TTC23: variants seen among roughly 807,000 people sequenced by gnomAD.
TTC23 encodes tetratricopeptide repeat protein 23.
TTC23 carries 58 observed loss-of-function variants against 55.1 expected under a neutral mutation model. The observed-to-expected ratio is 1.05, with a 90% CI of 0.85 to 1.31. The LOEUF is 1.31. TTC23 is among the 50% of genes most tolerant of loss of function. The pLI, the probability that TTC23 is intolerant of heterozygous loss-of-function variation, is 0.00. For missense variants in TTC23, 516 were observed against 534.4 expected (o/e 0.97, Z 0.34); for synonymous variants, 203 against 199.9 (o/e 1.02, Z -0.13).
intron 11 of TTC23, chr15:99,159,361 G>C (rs932575068): frequency 1.3e-5 from 2 of 152,212 alleles, no homozygotes; most frequent in African/African-American, 4.8e-5. Context: ...TCACAGGTTC[G>C]GTCTAGTTGC....
intron 8 of TTC23, among the ~76,000 whole-genome samples, chr15:99,206,771 T>G (rs953690268): frequency 6.6e-6 from 1 of 152,166 alleles, no homozygotes. Flanking sequence ...TTTTGTTATA[T>G]TCATCTTTTG....
chr15:99,179,504 G>T (rs189600338), intron 9 of TTC23, among the ~76,000 whole-genome samples: 35 of 152,352 alleles, frequency 2.3e-4, no homozygotes, highest in Non-Finnish European at 4.1e-4. Flanking sequence ...GCAGGGGAAT[G>T]AACATATTGT....
chr15:99,242,226 A>G (rs2079872339), intron 2 of TTC23, among the ~76,000 whole-genome samples: 1 of 152,144 alleles, frequency 6.6e-6, no homozygotes, highest in Admixed American at 6.5e-5. Context: ...ACTTACCCAT[A>G]TGTAAGCTAA....
intron 9 of TTC23, among the ~76,000 whole-genome samples, chr15:99,188,610 G>A (rs905973279): frequency 4.6e-5 from 7 of 151,940 alleles, no homozygotes; most frequent in African/African-American, 1.4e-4. Flanking sequence ...AAGAAAACTG[G>A]ACCAAAGCTT....
chr15:99,236,734 C>A (rs1256282878), intron 3 of TTC23, among the ~76,000 whole-genome samples: 1 of 152,070 alleles, frequency 6.6e-6, no homozygotes, highest in Non-Finnish European at 1.5e-5. Flanking sequence ...TATTGTTGAT[C>A]TGTAGGATTT....
chr15:99,141,315 G>A (rs1035479007), intron 12 of TTC23, among the ~76,000 whole-genome samples: 8 of 152,044 alleles, frequency 5.3e-5, no homozygotes, highest in African/African-American at 1.9e-4. Flanking sequence ...GAAAACGACA[G>A]ATGAATGCAT....
At position 99,181,580 on chromosome 15, in the gene TTC23, C is replaced by CCTTTTCA. The variant is rs2074120806; in HGVS notation, c.760-6432_760-6426dup. Among the ~76,000 whole-genome samples the CCTTTTCA allele has an allele frequency of 2.0e-5, 3 of 152,294 alleles. No homozygotes were observed. In the South Asian group the frequency reaches 6.2e-4, roughly 32 times the overall value. On this transcript the variant is annotated intron_variant, in intron 9 of 13. Coordinates refer to ENST00000394132, the MANE Select transcript of TTC23 (RefSeq NM_001288615.3). ...ACCAGCTGTGAAGCTGCATAGCTTG[C>CCTTTTCA]CTTTTCACCCTGCCAAAACTGGTCA...
chr15:99,240,503 T>C (rs2079686233), intron 3 of TTC23, among the ~76,000 whole-genome samples: 1 of 152,228 alleles, frequency 6.6e-6, no homozygotes, highest in Admixed American at 6.5e-5. Context: ...CTCAGAACAC[T>C]TGTCAACACT....
At chr15:99,217,318 T>C (rs765737451) in intron 8 of TTC23, among the ~76,000 whole-genome samples, 1 of 151,912 alleles carries the variant, frequency 6.6e-6, no homozygotes, top group Non-Finnish European at 1.5e-5. Flanking sequence ...CCACCACGCC[T>C]GGCTAATTTT....
At chr15:99,166,533 G>A (rs1276056673) in intron 10 of TTC23, among the ~76,000 whole-genome samples, 1 of 152,196 alleles carries the variant, frequency 6.6e-6, no homozygotes, top group Non-Finnish European at 1.5e-5. Flanking sequence ...AGGGAGGAAG[G>A]AAGGGAGGAG....
intron 8 of TTC23, among the ~76,000 whole-genome samples, chr15:99,215,381 T>C (rs1481458032): frequency 6.6e-6 from 1 of 152,150 alleles, no homozygotes; most frequent in Non-Finnish European, 1.5e-5. Flanking sequence ...GTTAAATGAT[T>C]AATTTACAAT....
chr15:99,209,721 G>A (rs1158753033), intron 8 of TTC23, among the ~76,000 whole-genome samples: 1 of 151,952 alleles, frequency 6.6e-6, no homozygotes, highest in African/African-American at 2.4e-5. Context: ...TAGCTAGTGT[G>A]GTTTTAAAAA....
chr15:99,221,120 T>C (rs1469173757), intron 6 of TTC23, among the ~76,000 whole-genome samples: 2 of 152,188 alleles, frequency 1.3e-5, no homozygotes, highest in Non-Finnish European at 2.9e-5. Context: ...GGAATGCTTA[T>C]AAGGGAAGTC....
At chr15:99,226,389 A>G (rs2152063731) in intron 5 of TTC23, among the ~76,000 whole-genome samples, 1 of 152,346 alleles carries the variant, frequency 6.6e-6, no homozygotes, top group South Asian at 2.1e-4. Flanking sequence ...GTTCAGAAAA[A>G]CAATTAGAGT....
At chr15:99,150,625 G>C (rs782317141) in intron 12 of TTC23, among the ~76,000 whole-genome samples, 3 of 152,212 alleles carry the variant, frequency 2.0e-5, no homozygotes, top group Non-Finnish European at 2.9e-5. Flanking sequence ...ATTCATTTTG[G>C]GGGGAGGATA....
chr15:99,191,874 C>G (rs1004685199), intron 9 of TTC23, among the ~76,000 whole-genome samples: 1 of 152,156 alleles, frequency 6.6e-6, no homozygotes, highest in African/African-American at 2.4e-5. Flanking sequence ...TTCCTAGATA[C>G]TTGTTGAATG....
At chr15:99,231,460 T>C (rs1171650404) in intron 4 of TTC23, among the ~76,000 whole-genome samples, 3 of 152,308 alleles carry the variant, frequency 2.0e-5, no homozygotes, top group African/African-American at 7.2e-5. Context: ...ATCCTGACTG[T>C]GTAGACCTAC....
rs371057331 is a variant in TTC23, at chr15:99,175,130, C to T, written c.785G>A (p.Ser262Asn). 3 of 1,614,030 alleles carry T rather than the reference C, an allele frequency of 1.9e-6. No individual in the cohort carries two copies. The highest frequency in any genetic ancestry group is 2.5e-6 in the Non-Finnish European group (3 of 1,180,014). Residue 262 changes from serine (S) to asparagine (N), a missense_variant, in exon 10 of 14, where the codon AGC becomes AAC. Coordinates refer to ENST00000394132, the MANE Select transcript of TTC23 (RefSeq NM_001288615.3). ...LQAHLIILSR[S>N]PSQVEAADSA... ...GTCTGCTGCCTCCACTTGAGAGGGG[C>T]TTCTACTCAGGATGATAAGATGTGC... is the stretch of plus-strand genomic sequence containing the variant.
intron 6 of TTC23, among the ~76,000 whole-genome samples, chr15:99,220,890 C>T (rs986386072): frequency 1.3e-5 from 2 of 152,152 alleles, no homozygotes; most frequent in African/African-American, 4.8e-5. Flanking sequence ...CTCCCCTGCA[C>T]GCATTCTCCC....
Sources: allele counts gnomAD v4.1 joint callset (sites outside exome capture counted in the v4.1 genomes callset), GRCh38; gene constraint gnomAD v4.1.1; transcripts MANE v1.5; gene names NCBI Gene and HGNC (gene_info 2026-07-23, HGNC 2026-07-21).